AHR: variants seen among roughly 807,000 people sequenced by gnomAD.
AHR encodes aryl hydrocarbon receptor, also known as AH-receptor.
In AHR, 40 loss-of-function variants were observed where a neutral mutation model predicts 86.8. The ratio of observed to expected loss-of-function variants is 0.46; its 90% CI spans 0.36 to 0.60. AHR has a LOEUF of 0.60. Ranked by LOEUF, AHR falls within the 20% of genes least tolerant of loss-of-function variation. The pLI, the probability that AHR is intolerant of heterozygous loss-of-function variation, is 0.00. For synonymous variants in AHR, 398 were observed against 354.9 expected (o/e 1.12, Z -1.37); for missense variants, 1,001 against 1,011.6 (o/e 0.99, Z 0.14).
chr7:17,334,803 G>C, intron 7 of AHR, 84 bp from the exon 8 acceptor site: 1 of 995,872 alleles, frequency 1.0e-6, no homozygotes. Context: ...AGAAACTAGC[G>C]TAAAACCAAT....
intron 1 of AHR, among the ~76,000 whole-genome samples, chr7:17,306,451 T>G (rs1246446657): frequency 6.6e-6 from 1 of 152,206 alleles, no homozygotes; most frequent in Non-Finnish European, 1.5e-5. Flanking sequence ...CTGAGGGTAC[T>G]TCTTAGCCCT....
intron 9 of AHR, 136 bp from the exon 10 acceptor site, chr7:17,338,850 G>C: frequency 1.2e-6 from 1 of 804,066 alleles, no homozygotes; most frequent in Non-Finnish European, 1.8e-6. Flanking sequence ...GAGAATAATT[G>C]AGGTGAAAAT....
At chr7:17,303,592 T>A (rs1013463708) in intron 1 of AHR, among the ~76,000 whole-genome samples, 20 of 152,126 alleles carry the variant, frequency 1.3e-4, no homozygotes, top group Admixed American at 1.2e-3. Flanking sequence ...AAACATTGTT[T>A]TTAAAGGCTG....
chr7:17,317,566 C>T (rs1782128940), intron 2 of AHR, among the ~76,000 whole-genome samples: 2 of 152,150 alleles, frequency 1.3e-5, no homozygotes, highest in South Asian at 4.1e-4. Flanking sequence ...CAATCCAGAA[C>T]ATACGTGAGT....
chr7:17,328,165 G>A (rs1390169390), intron 4 of AHR, among the ~76,000 whole-genome samples: 2 of 151,850 alleles, frequency 1.3e-5, no homozygotes, highest in African/African-American at 4.8e-5. Context: ...GGATAGCAGA[G>A]GATATATGAC....
chr7:17,338,787 A>C (rs1034718243), intron 9 of AHR, among the ~76,000 whole-genome samples, 199 bp from the exon 10 acceptor site: 2 of 152,162 alleles, frequency 1.3e-5, no homozygotes, highest in African/African-American at 4.8e-5. Context: ...TTTTTTAAAA[A>C]TTAAATCATT....
chr7:17,299,111 G>GGCGCC lies in AHR; in HGVS notation c.-153_-149dup. ...TGCGTGAGCCGAGGCGTTGAGGCGC[G>GGCGCC]GCGCCCACGCCACTGTCCCGAGAGG... On this transcript the variant is annotated 5_prime_UTR_variant, in exon 1 of 11. Transcript: ENST00000242057. 1.3e-6 allele frequency: 1 copy of GGCGCC among 751,498 alleles called. No individual in the cohort carries two copies. Among genetic ancestry groups the GGCGCC allele is most frequent in the Non-Finnish European group, 2.0e-6 (1 of 507,450 alleles). 46.6% of individuals were successfully genotyped at this position (751,498 alleles called of 1,614,324 possible). A position where few individuals can be genotyped will look rare whatever the true frequency, so the allele number is the denominator to read the frequency against.
At chr7:17,304,581 A>C (rs1368814596) in intron 1 of AHR, among the ~76,000 whole-genome samples, 1 of 152,096 alleles carries the variant, frequency 6.6e-6, no homozygotes, top group Non-Finnish European at 1.5e-5. Context: ...CGTCACAGAA[A>C]CAGAAGTGTC....
chr7:17,330,042 T>G lies in AHR; in HGVS notation c.541T>G (p.Ser181Ala). 6.2e-7 allele frequency: 1 copy of G among 1,611,256 alleles called. No homozygotes were observed. The highest frequency in any genetic ancestry group is 8.5e-7 in the Non-Finnish European group (1 of 1,177,940). Residue 181 changes from serine (S) to alanine (A), a missense_variant, in exon 5 of 11, where the codon TCT (serine) becomes GCT (alanine). Physicochemically the swap from Ser to Ala is moderately conservative, Grantham distance 99 (BLOSUM62 1). Coordinates refer to ENST00000242057, the MANE Select transcript of AHR (RefSeq NM_001621.5). ...QRQLHWALNP[S>A]QCTESGQGIE... Reference sequence around the variant, plus strand: ...TCAGCTACACTGGGCATTAAATCCTTCTCAGTGTACAGAGTCTGGACAAGG... The same window carrying G: ...TCAGCTACACTGGGCATTAAATCCTGCTCAGTGTACAGAGTCTGGACAAGG...
At chr7:17,317,173 C>T (rs1162229265) in intron 2 of AHR, among the ~76,000 whole-genome samples, 5 of 110,634 alleles carry the variant, frequency 4.5e-5, no homozygotes, top group African/African-American at 6.9e-5. Context: ...GTATTAATAT[C>T]AATTGAGAAT....
chr7:17,342,842 T>C, intron 10 of AHR, 79 bp from the exon 11 acceptor site: 1 of 1,381,296 alleles, frequency 7.2e-7, no homozygotes, highest in South Asian at 1.3e-5. Flanking sequence ...ATTTTAAAAA[T>C]ACATGTTAAT....
chr7:17,343,143 TG>T lies in AHR; in HGVS notation c.*81del. On this transcript the variant is annotated 3_prime_UTR_variant, in exon 11 of 11. Coordinates refer to ENST00000242057, the MANE Select transcript of AHR (RefSeq NM_001621.5). Reference sequence around the variant, plus strand: ...TATGGAAAAATAAAACTGTCACTGTTGGACGTCAGCAAGTTCACATGGAGGC... The same window carrying T: ...TATGGAAAAATAAAACTGTCACTGTTGACGTCAGCAAGTTCACATGGAGGC... 2 of 1,524,226 alleles carry T rather than the reference TG, an allele frequency of 1.3e-6. No individual in the cohort carries two copies. Among genetic ancestry groups the T allele is most frequent in the Non-Finnish European group, 9.1e-7 (1 of 1,103,918 alleles). 94.4% of individuals were successfully genotyped at this position (1,524,226 alleles called of 1,614,324 possible). A position where few individuals can be genotyped will look rare whatever the true frequency, so the allele number is the denominator to read the frequency against.
intron 3 of AHR, among the ~76,000 whole-genome samples, chr7:17,324,499 T>C (rs1445484235): frequency 6.6e-6 from 1 of 151,948 alleles, no homozygotes; most frequent in Non-Finnish European, 1.5e-5. Context: ...ATGAAGAAAA[T>C]GTTACAAAAA....
chr7:17,344,858 A>AC lies in AHR; in HGVS notation c.*1796dup, dbSNP rs1249167492. On this transcript the variant is annotated 3_prime_UTR_variant, in exon 11 of 11. Transcript: ENST00000242057. The stretch of plus-strand genomic sequence containing the variant: ...TGGCCAGACTGGTCTCAAACTCCTG[A>AC]CCTCAGGTGAGCCTCCCACCTTGGC... The AC allele has an allele frequency of 6.6e-6, 1 of 151,420 alleles. No individual in the cohort carries two copies. The highest frequency in any genetic ancestry group is 2.4e-5 in the African/African-American group (1 of 41,264). The allele number at this position is 151,420 out of a possible 1,614,324, so 9.4% of individuals were successfully genotyped here.
rs1782187070 is a variant in AHR at position 17,322,681 on chromosome 7, T to G, written c.360+74T>G. On this transcript the variant is annotated intron_variant, in intron 3 of 10. Coordinates refer to ENST00000242057, the MANE Select transcript of AHR (RefSeq NM_001621.5). ...GAAAATGAATTAATAAGTCTTTTAGTAATTCCCTGTTTACTTAGGATTTGC... is the reference window on the plus strand; with the variant it reads ...GAAAATGAATTAATAAGTCTTTTAGGAATTCCCTGTTTACTTAGGATTTGC... 4.0e-6 allele frequency: 4 copies of G among 989,242 alleles called. No homozygotes were observed. In the East Asian group the frequency reaches 7.8e-5, roughly 19 times the overall value. The allele number at this position is 989,242 out of a possible 1,614,324, so 61.3% of individuals were successfully genotyped here.
Position 17,299,007 on chromosome 7 carries a change from C to T in AHR, c.-258C>T, listed in dbSNP as rs905847791. The T allele has an allele frequency of 8.6e-6, 4 of 465,324 alleles. No homozygotes were observed. The highest frequency in any genetic ancestry group is 6.1e-5 in the African/African-American group (3 of 48,852). The allele number at this position is 465,324 out of a possible 1,614,324, so 28.8% of individuals were successfully genotyped here. A position where few individuals can be genotyped will look rare whatever the true frequency, so the allele number is the denominator to read the frequency against. On this transcript the variant is annotated 5_prime_UTR_variant, in exon 1 of 11. Coordinates refer to ENST00000242057, the MANE Select transcript of AHR (RefSeq NM_001621.5). ...TAGACGGCACCTGCGCCGCCTTGCTCGCGGGTCTCCGCCCCTCGCCCACCC... is the reference window on the plus strand; with the variant it reads ...TAGACGGCACCTGCGCCGCCTTGCTTGCGGGTCTCCGCCCCTCGCCCACCC...
At chr7:17,332,604 GA>G (rs1782308139) in intron 6 of AHR, among the ~76,000 whole-genome samples, 1 of 151,852 alleles carries the variant, frequency 6.6e-6, no homozygotes, top group African/African-American at 2.4e-5. Flanking sequence ...AAAGCTTATA[GA>G]ATAAGGATAT....
intron 7 of AHR, among the ~76,000 whole-genome samples, 195 bp downstream of exon 7, chr7:17,334,309 A>G (rs984134664): frequency 2.6e-5 from 4 of 152,028 alleles, no homozygotes; most frequent in African/African-American, 9.7e-5. Context: ...AATTTTTGCA[A>G]TACTTGTCTC....
At chr7:17,326,145 T>G (rs1309657790) in intron 3 of AHR, among the ~76,000 whole-genome samples, 2 of 152,186 alleles carry the variant, frequency 1.3e-5, no homozygotes, top group Admixed American at 1.3e-4. Context: ...GTTTCTTCTA[T>G]TGTAAAACTG....
Sources: allele counts gnomAD v4.1 joint callset (sites outside exome capture counted in the v4.1 genomes callset), GRCh38; gene constraint gnomAD v4.1.1; transcripts MANE v1.5; gene names NCBI Gene and HGNC (gene_info 2026-07-23, HGNC 2026-07-21).